TSHZ2: variants seen among roughly 807,000 people sequenced by gnomAD.
The protein encoded by TSHZ2 is teashirt homolog 2.
A neutral mutation model predicts 74.4 loss-of-function variants in TSHZ2; 21 were observed. The ratio of observed to expected loss-of-function variants is 0.28; its 90% CI spans 0.20 to 0.41. The LOEUF is 0.41. TSHZ2 is among the 10% of genes least tolerant of loss of function. The pLI is 1.00. For synonymous variants in TSHZ2, 540 were observed against 515.3 expected, an observed-to-expected ratio of 1.05 and a Z score of -0.65; for missense variants, 1,244 against 1,293.5, an observed-to-expected ratio of 0.96 and a Z score of 0.59.
intron 1 of TSHZ2, among the ~76,000 whole-genome samples, chr20:53,014,244 A>G (rs1238671977): frequency 6.6e-6 from 1 of 151,896 alleles, no homozygotes; most frequent in Non-Finnish European, 1.5e-5. Flanking sequence ...GCACATCCTC[A>G]TGTCTCTTCT....
At chr20:53,372,648 C>CT (rs1245602283) in intron 2 of TSHZ2, among the ~76,000 whole-genome samples, 2 of 152,204 alleles carry the variant, frequency 1.3e-5, no homozygotes, top group Non-Finnish European at 2.9e-5. Flanking sequence ...AGAGTCTTTG[C>CT]TGGCCTTTCC....
At chr20:53,361,325 G>A (rs917225557) in intron 2 of TSHZ2, among the ~76,000 whole-genome samples, 1 of 152,168 alleles carries the variant, frequency 6.6e-6, no homozygotes, top group East Asian at 1.9e-4. Flanking sequence ...TCTTCCTCAG[G>A]CCTGCAACAT....
rs540453695 is a variant in TSHZ2, at chr20:53,288,539, C to A, written c.*8+31968C>A. 2.0e-5 allele frequency among the ~76,000 whole-genome samples: 3 copies of A among 152,134 alleles called. No individual in the cohort carries two copies. In the East Asian group the frequency reaches 5.8e-4, roughly 29 times the overall value. On this transcript the variant is annotated intron_variant, in intron 2 of 2. Transcript: ENST00000371497. ...GCCAAAGTCTTGGAGAATGAATAGT[C>A]TTGGCATCCCATCAACAGTGATTGG... is the stretch of plus-strand genomic sequence containing the variant.
intron 1 of TSHZ2, among the ~76,000 whole-genome samples, chr20:53,215,171 G>A (rs1989406087): frequency 6.6e-6 from 1 of 152,106 alleles, no homozygotes; most frequent in South Asian, 2.1e-4. Flanking sequence ...GTGAGAAAAA[G>A]TAGAAAATCT....
intron 1 of TSHZ2, among the ~76,000 whole-genome samples, chr20:52,983,672 C>T (rs1981648727): frequency 6.6e-6 from 1 of 152,228 alleles, no homozygotes; most frequent in Non-Finnish European, 1.5e-5. Flanking sequence ...CGATGATTTT[C>T]GTCTGAATCT....
intron 2 of TSHZ2, among the ~76,000 whole-genome samples, chr20:53,321,697 A>AAAAAAAAAAAAAAAAG (rs1555850300): frequency 1.4e-4 from 20 of 140,546 alleles, no homozygotes; most frequent in African/African-American, 3.9e-4. Flanking sequence ...AAAAAAAAAA[A>AAAAAAAAAAAAAAAAG]AAAGAAAGAC....
chr20:53,439,625 C>CT lies in TSHZ2; in HGVS notation c.*9-47510dup, dbSNP rs372152687. Among the ~76,000 whole-genome samples, 8 of 151,700 alleles carry CT rather than the reference C, an allele frequency of 5.3e-5. No individual in the cohort carries two copies. In the East Asian group the frequency reaches 5.8e-4, roughly 11 times the overall value. On this transcript the variant is annotated intron_variant, in intron 2 of 2. Transcript: ENST00000371497. ...TCACCCAGAGTGAAGAATAGCCTAGCTTTTTTTTTCCCTGTGGCATAAATT... is the reference window on the plus strand; with the variant it reads ...TCACCCAGAGTGAAGAATAGCCTAGCTTTTTTTTTTCCCTGTGGCATAAATT...
intron 2 of TSHZ2, among the ~76,000 whole-genome samples, chr20:53,388,873 A>G (rs532427704): frequency 1.5e-3 from 235 of 152,214 alleles, no homozygotes; most frequent in Non-Finnish European, 2.6e-3. Context: ...ATGAGCCACC[A>G]CACCCGGCTG....
intron 2 of TSHZ2, among the ~76,000 whole-genome samples, chr20:53,288,879 A>G (rs1405714733): frequency 2.0e-4 from 30 of 152,304 alleles, no homozygotes; most frequent in Middle Eastern, 3.4e-3. Context: ...CGGATAAGTC[A>G]TTTAATGGTG....
intron 1 of TSHZ2, among the ~76,000 whole-genome samples, chr20:53,067,773 T>G (rs1471334990): frequency 6.6e-6 from 1 of 152,226 alleles, no homozygotes; most frequent in African/African-American, 2.4e-5. Flanking sequence ...TGTGGTTCTC[T>G]GGGTGTGTTA....
chr20:53,362,499 T>C (rs1048308149), intron 2 of TSHZ2, among the ~76,000 whole-genome samples: 2 of 152,192 alleles, frequency 1.3e-5, no homozygotes, highest in East Asian at 3.8e-4. Context: ...AGTTTTTATA[T>C]GCTCTGAACT....
At chr20:53,371,047 T>C (rs530029082) in intron 2 of TSHZ2, among the ~76,000 whole-genome samples, 1 of 152,330 alleles carries the variant, frequency 6.6e-6, no homozygotes, top group South Asian at 2.1e-4. Flanking sequence ...CAGCTTCTGC[T>C]TCCTTGTTCA....
At chr20:52,976,543 T>G (rs1981346300) in intron 1 of TSHZ2, among the ~76,000 whole-genome samples, 2 of 152,214 alleles carry the variant, frequency 1.3e-5, no homozygotes, top group Non-Finnish European at 2.9e-5. Flanking sequence ...ATAGAGAAAA[T>G]GGCAGGAAAG....
chr20:53,143,298 A>C (rs1314430475), intron 1 of TSHZ2, among the ~76,000 whole-genome samples: 4 of 152,168 alleles, frequency 2.6e-5, no homozygotes, highest in Non-Finnish European at 5.9e-5. Context: ...ACTTCTGAAA[A>C]GTTTAGGGCA....
rs1910348451 is a variant in TSHZ2 at position 53,494,849 on chromosome 20, C to G, written c.*7714C>G. 1 of 151,330 alleles carries G rather than the reference C, an allele frequency of 6.6e-6. No individual in the cohort carries two copies. The highest frequency in any genetic ancestry group is 2.4e-5 in the African/African-American group (1 of 41,260). The allele number at this position is 151,330 out of a possible 1,614,324, so 9.4% of individuals were successfully genotyped here. ...GCCTTTGTGTTGAAAAAAAAAAAGT[C>G]TCTTTTTTTTCCCCCACTCAGCAGT... On this transcript the variant is annotated 3_prime_UTR_variant, in exon 3 of 3. Coordinates refer to ENST00000371497, the MANE Select transcript of TSHZ2 (RefSeq NM_173485.6).
chr20:53,170,989 A>G (rs1988187423), intron 1 of TSHZ2, among the ~76,000 whole-genome samples: 1 of 152,172 alleles, frequency 6.6e-6, no homozygotes, highest in Non-Finnish European at 1.5e-5. Flanking sequence ...TAGTTTCAAA[A>G]TTACATGTCC....
chr20:52,985,041 C>T (rs1981702921), intron 1 of TSHZ2, among the ~76,000 whole-genome samples: 1 of 152,234 alleles, frequency 6.6e-6, no homozygotes, highest in East Asian at 1.9e-4. Flanking sequence ...GAGCTGCCTA[C>T]ATTCTAGAAC....
intron 1 of TSHZ2, among the ~76,000 whole-genome samples, chr20:53,038,593 C>T (rs1333043195): frequency 1.3e-5 from 2 of 152,158 alleles, no homozygotes; most frequent in Non-Finnish European, 2.9e-5. Context: ...CTTTAGGTGC[C>T]TCCCCAAGCT....
In TSHZ2 at chr20:53,489,086, C is replaced by T. The variant is rs1450859220; in HGVS notation, c.*1951C>T. 4.4e-6 allele frequency: 2 copies of T among 456,118 alleles called. No individual in the cohort carries two copies. Among genetic ancestry groups the T allele is most frequent in the East Asian group, 1.4e-4 (2 of 14,404 alleles). The allele number at this position is 456,118 out of a possible 1,614,324, so 28.3% of individuals were successfully genotyped here. On this transcript the variant is annotated 3_prime_UTR_variant, in exon 3 of 3. Coordinates refer to ENST00000371497, the MANE Select transcript of TSHZ2 (RefSeq NM_173485.6). ...CGAAATAGCTTCATTGAAGTGTCAG[C>T]ACTCATCCATCAATCAATCACCCAC...
Sources: gnomAD v4.1 joint callset for allele counts (sites outside exome capture counted in the v4.1 genomes callset) on GRCh38, gnomAD v4.1.1 for gene constraint, MANE v1.5 for transcripts, NCBI Gene and HGNC (gene_info 2026-07-23, HGNC 2026-07-21) for gene names.